The following PANX1 variants were observed in gnomAD, a reference collection of about 807,000 sequenced individuals.
The protein encoded by PANX1 is pannexin-1.
A neutral mutation model predicts 38.7 loss-of-function variants in PANX1; 30 were observed. The ratio of observed to expected loss-of-function variants is 0.78; its 90% CI spans 0.58 to 1.05. PANX1 has a LOEUF of 1.05. Ranked by LOEUF, PANX1 falls within the 50% of genes least tolerant of loss-of-function variation. The pLI, the probability that PANX1 is intolerant of heterozygous loss-of-function variation, is 0.00. For synonymous variants in PANX1, 230 were observed against 212.2 expected, an observed-to-expected ratio of 1.08 and a Z score of -0.73; for missense variants, 551 against 517.2, an observed-to-expected ratio of 1.07 and a Z score of -0.63.
Position 94,164,894 on chromosome 11 carries a change from C to T in PANX1, c.321+11264C>T, listed in dbSNP as rs58863592. On this transcript the variant is annotated intron_variant, in intron 2 of 4. Transcript: ENST00000227638. ...TATATATTTACAATTGTTACACCCTCTTAGTGAATTGATCCCGTTATCATT... is the reference window on the plus strand; with the variant it reads ...TATATATTTACAATTGTTACACCCTTTTAGTGAATTGATCCCGTTATCATT... Among the ~76,000 whole-genome samples, 2,090 of 152,292 alleles carry T rather than the reference C, an allele frequency of 0.014. 85 individuals carry two copies. In the East Asian group the frequency reaches 0.14, roughly 10 times the overall value.
intron 4 of PANX1, 28 bp downstream of exon 4, chr11:94,180,285 G>T: frequency 1.3e-6 from 2 of 1,538,306 alleles, no homozygotes; most frequent in African/African-American, 1.4e-5. Flanking sequence ...CAGAGGCTAC[G>T]GGAGTCTACC....
chr11:94,171,476 C>A (rs1947166285), intron 2 of PANX1, among the ~76,000 whole-genome samples: 1 of 151,554 alleles, frequency 6.6e-6, no homozygotes, highest in African/African-American at 2.4e-5. Context: ...AATGCGTAGT[C>A]CATAGTGGGT....
intron 1 of PANX1, among the ~76,000 whole-genome samples, chr11:94,141,105 C>T (rs1946757234): frequency 6.6e-6 from 1 of 152,098 alleles, no homozygotes; most frequent in Non-Finnish European, 1.5e-5. Flanking sequence ...CGTGAACCTC[C>T]TGAAAAGGTC....
At chr11:94,143,350 G>C (rs367555269) in intron 1 of PANX1, among the ~76,000 whole-genome samples, 1 of 152,144 alleles carries the variant, frequency 6.6e-6, no homozygotes, top group African/African-American at 2.4e-5. Context: ...AGACAGATGG[G>C]TAAACAAATA....
At chr11:94,178,722 C>A in intron 3 of PANX1, 130 bp downstream of exon 3, 1 of 665,306 alleles carries the variant, frequency 1.5e-6, no homozygotes, top group Non-Finnish European at 2.6e-6. Context: ...GGACGTCATG[C>A]ACCTAGTGAC....
intron 1 of PANX1, among the ~76,000 whole-genome samples, chr11:94,135,795 C>G (rs550214575): frequency 6.6e-6 from 1 of 152,318 alleles, no homozygotes; most frequent in African/African-American, 2.4e-5. Context: ...AGCCTTATTG[C>G]TGTACTTTGT....
rs1947289051 is a variant in PANX1, at chr11:94,180,173, A to G, written c.1117A>G (p.Ile373Val). The change falls in exon 4 of 5, where the codon ATC becomes GTC. Residue 373 changes from isoleucine (I) to valine (V), a missense_variant. Physicochemically the swap from Ile to Val is conservative, Grantham distance 29. Transcript: ENST00000227638. ...PMLLLTNLGM[I>V]KMDVVDGKTP... ...GCTACTCCTGACAAACCTTGGCATG[A>G]TCAAGATGGATGTTGTTGATGGCAA... is the stretch of plus-strand genomic sequence containing the variant. 3 of 1,613,910 alleles carry G rather than the reference A, an allele frequency of 1.9e-6. No homozygotes were observed. The highest frequency in any genetic ancestry group is 2.5e-6 in the Non-Finnish European group (3 of 1,179,964).
intron 1 of PANX1, among the ~76,000 whole-genome samples, chr11:94,141,060 G>A (rs1405642308): frequency 6.6e-6 from 1 of 152,162 alleles, no homozygotes; most frequent in Non-Finnish European, 1.5e-5. Flanking sequence ...AGAAAGGTAA[G>A]TAACAACGTA....
intron 2 of PANX1, among the ~76,000 whole-genome samples, chr11:94,170,518 T>C (rs1208107491): frequency 6.6e-6 from 1 of 151,838 alleles, no homozygotes; most frequent in Non-Finnish European, 1.5e-5. Flanking sequence ...GCTGTGAACA[T>C]CTGTTCGAGT....
chr11:94,168,212 ACTGT>A (rs369364226), intron 2 of PANX1, among the ~76,000 whole-genome samples: 435 of 152,310 alleles, frequency 2.9e-3, no homozygotes, highest in Middle Eastern at 0.01. Context: ...CAAAAAAAGC[ACTGT>A]CTGGGAGGGT....
intron 2 of PANX1, among the ~76,000 whole-genome samples, chr11:94,171,416 TGCAGGCAGAG>T (rs1947165500): frequency 6.6e-6 from 1 of 151,734 alleles, no homozygotes; most frequent in Non-Finnish European, 1.5e-5. Context: ...GTAAGCTTTA[TGCAGGCAGAG>T]ACCATGACCA....
chr11:94,181,870 A>C lies in PANX1; in HGVS notation c.*1001A>C, dbSNP rs1020227964. On this transcript the variant is annotated 3_prime_UTR_variant, in exon 5 of 5. Transcript: ENST00000227638. Reference sequence around the variant, plus strand: ...ATTTAAGCACAGCTTTAAAAAATTCATTATCGTTTATTCAGTGTCCGAATT... The same window carrying C: ...ATTTAAGCACAGCTTTAAAAAATTCCTTATCGTTTATTCAGTGTCCGAATT... The C allele has an allele frequency of 7.9e-5, 12 of 152,232 alleles. No individual in the cohort carries two copies. Among genetic ancestry groups the C allele is most frequent in the African/African-American group, 2.9e-4 (12 of 41,466 alleles). 9.4% of individuals were successfully genotyped at this position (152,232 alleles called of 1,614,324 possible).
At chr11:94,134,806 A>G (rs1413632865) in intron 1 of PANX1, among the ~76,000 whole-genome samples, 1 of 152,100 alleles carries the variant, frequency 6.6e-6, no homozygotes, top group Non-Finnish European at 1.5e-5. Flanking sequence ...CAAACTAGGA[A>G]AAGAGCTCTC....
At chr11:94,162,889 T>TTTTTTTGG (rs1947062961) in intron 2 of PANX1, among the ~76,000 whole-genome samples, 2 of 149,702 alleles carry the variant, frequency 1.3e-5, no homozygotes, top group African/African-American at 4.9e-5. Flanking sequence ...TTTTTTTTTT[T>TTTTTTTGG]GAGACAGGGT....
rs1428598307 is a variant in PANX1 at position 94,181,825 on chromosome 11, T to C, written c.*956T>C. The stretch of plus-strand genomic sequence containing the variant: ...TGGCGTGCTTGGAGCCAGAAAAACT[T>C]AGCGGTTTATTTTGTTTATATTTAA... On this transcript the variant is annotated 3_prime_UTR_variant, in exon 5 of 5. Coordinates refer to ENST00000227638, the MANE Select transcript of PANX1 (RefSeq NM_015368.4). 6.6e-6 allele frequency: 1 copy of C among 152,218 alleles called. No individual in the cohort carries two copies. Among genetic ancestry groups the C allele is most frequent in the Non-Finnish European group, 1.5e-5 (1 of 68,038 alleles). The allele number at this position is 152,218 out of a possible 1,614,324, so 9.4% of individuals were successfully genotyped here. A position where few individuals can be genotyped will look rare whatever the true frequency, so the allele number is the denominator to read the frequency against.
chr11:94,129,512 G>A lies in PANX1; in HGVS notation c.181+19G>A, dbSNP rs1216531989. 1.3e-6 allele frequency: 2 copies of A among 1,589,910 alleles called. No homozygotes were observed. The highest frequency in any genetic ancestry group is 2.7e-5 in the African/African-American group (2 of 74,296). Reference sequence around the variant, plus strand: ...TCGATTGGTAAGCCTCGCCCAGGACGGAGGGGAGTGGCCGCCCCGGTCTGG... The same window carrying A: ...TCGATTGGTAAGCCTCGCCCAGGACAGAGGGGAGTGGCCGCCCCGGTCTGG... On this transcript the variant is annotated intron_variant, in intron 1 of 4. Transcript: ENST00000227638.
intron 2 of PANX1, among the ~76,000 whole-genome samples, chr11:94,174,645 T>C (rs1213552095): frequency 1.3e-5 from 2 of 151,658 alleles, no homozygotes; most frequent in Non-Finnish European, 2.9e-5. Context: ...GTGCCTAGTC[T>C]GTGGGGGCCG....
intron 1 of PANX1, among the ~76,000 whole-genome samples, chr11:94,152,373 A>G (rs73512257): frequency 0.055 from 8,438 of 152,218 alleles, 801 homozygotes; most frequent in African/African-American, 0.19. Flanking sequence ...GCTTTGGGAA[A>G]TTAATGACTT....
chr11:94,141,536 T>G (rs1946761585), intron 1 of PANX1, among the ~76,000 whole-genome samples: 1 of 152,200 alleles, frequency 6.6e-6, no homozygotes, highest in South Asian at 2.1e-4. Flanking sequence ...CCTTGGCTTA[T>G]GAAATACCCC....
Sources: gnomAD v4.1 joint callset for allele counts (sites outside exome capture counted in the v4.1 genomes callset) on GRCh38, gnomAD v4.1.1 for gene constraint, MANE v1.5 for transcripts, NCBI Gene and HGNC (gene_info 2026-07-23, HGNC 2026-07-21) for gene names.